Variants in SREBF2 observed in about 807,000 individuals in gnomAD.
SREBF2 encodes sterol regulatory element-binding protein 2.
Under a neutral mutation model 113.1 loss-of-function variants are expected in SREBF2, and 55 were observed. The ratio of observed to expected loss-of-function variants is 0.49; its 90% CI spans 0.39 to 0.61. The LOEUF (loss-of-function observed/expected upper bound fraction) is 0.61, where lower values mean the gene tolerates loss of function less well. SREBF2 is among the 20% of genes least tolerant of loss of function. The probability of loss-of-function intolerance (pLI) is 0.00; values close to 1 mark genes in which losing one functional copy is unlikely to be tolerated. For missense variants in SREBF2, 1,349 were observed against 1,487.4 expected (o/e 0.91, Z 1.53); for synonymous variants, 593 against 605.7 (o/e 0.98, Z 0.31).
At chr22:41,896,653 C>T (rs1157302425) in intron 13 of SREBF2, among the ~76,000 whole-genome samples, 2 of 152,218 alleles carry the variant, frequency 1.3e-5, no homozygotes, top group Non-Finnish European at 2.9e-5. Context: ...GCCACCGTGC[C>T]CGGCCCCAAA....
chr22:41,877,472 G>A (rs1302438758), intron 8 of SREBF2, 51 bp downstream of exon 8: 10 of 1,593,860 alleles, frequency 6.3e-6, no homozygotes, highest in Non-Finnish European at 7.7e-6. Context: ...CACTATGGCA[G>A]GAGAAGGACC....
chr22:41,895,072 TATTTA>T (rs2148413698), intron 13 of SREBF2, 135 bp downstream of exon 13: 1 of 720,470 alleles, frequency 1.4e-6, no homozygotes, highest in East Asian at 2.7e-5. Context: ...GGTTCCTTTG[TATTTA>T]ATTTCTCAAA....
chr22:41,901,981 C>T (rs2077469295), intron 16 of SREBF2, among the ~76,000 whole-genome samples: 1 of 152,258 alleles, frequency 6.6e-6, no homozygotes, highest in South Asian at 2.1e-4. Flanking sequence ...GCAGCATGCA[C>T]AGCTTAGAAG....
chr22:41,895,642 T>C (rs1052498049), intron 13 of SREBF2, among the ~76,000 whole-genome samples: 1 of 148,686 alleles, frequency 6.7e-6, no homozygotes, highest in African/African-American at 2.5e-5. Context: ...CACCATGTCA[T>C]TCAGGCTGGT....
intron 9 of SREBF2, among the ~76,000 whole-genome samples, chr22:41,879,760 T>C (rs2077228344): frequency 6.6e-6 from 1 of 152,192 alleles, no homozygotes; most frequent in South Asian, 2.1e-4. Flanking sequence ...CAAGACTATA[T>C]AGCCTGTCCT....
chr22:41,894,747 G>A, intron 12 of SREBF2, 73 bp from the exon 13 acceptor site: 1 of 1,326,534 alleles, frequency 7.5e-7, no homozygotes, highest in Non-Finnish European at 1.1e-6. Context: ...TGTGTTTGGA[G>A]TTTCTCTCCG....
chr22:41,864,309 G>GTATATA (rs1433001502), intron 1 of SREBF2, among the ~76,000 whole-genome samples: 3 of 53,538 alleles, frequency 5.6e-5, no homozygotes, highest in African/African-American at 3.0e-4. Context: ...ATATATATAT[G>GTATATA]TATATATATA....
In SREBF2 at chr22:41,867,096, C is replaced by T. The variant is rs2077087835; in HGVS notation, c.354C>T (p.Pro118=). The T allele has an allele frequency of 1.2e-6, 2 of 1,614,202 alleles. No individual in the cohort carries two copies. The highest frequency in any genetic ancestry group is 1.7e-6 in the Non-Finnish European group (2 of 1,180,040). ...QAPTLQVKVS[P]TSVPTTPRAT... is the part of the protein sequence containing the mutation. The stretch of plus-strand genomic sequence containing the variant: ...CAACTCTGCAAGTCAAGGTTTCTCC[C>T]ACCTCAGTTCCCACCACACCCAGGG... The change falls in exon 2 of 19, where the codon CCC becomes CCT. Residue 118 remains proline (P), a synonymous_variant. Coordinates refer to ENST00000361204, the MANE Select transcript of SREBF2 (RefSeq NM_004599.4).
intron 4 of SREBF2, 144 bp from the exon 5 acceptor site, chr22:41,873,654 T>A: frequency 1.2e-6 from 1 of 818,386 alleles, no homozygotes; most frequent in Non-Finnish European, 2.0e-6. Flanking sequence ...GGGGCCTGAT[T>A]TGATTAACCC....
At chr22:41,899,514 A>G (rs932800958) in intron 15 of SREBF2, 1 of 992,702 alleles carries the variant, frequency 1.0e-6, no homozygotes, top group Non-Finnish European at 1.2e-6. Context: ...TTTCCTATCA[A>G]GCAGACCCTT....
chr22:41,871,611 G>C (rs1448932932), intron 4 of SREBF2, among the ~76,000 whole-genome samples: 1 of 152,220 alleles, frequency 6.6e-6, no homozygotes, highest in Non-Finnish European at 1.5e-5. Context: ...CAGAACTGCT[G>C]ACAGGCACGG....
intron 15 of SREBF2, 35 bp from the exon 16 acceptor site, chr22:41,900,295 G>C: frequency 6.2e-7 from 1 of 1,605,622 alleles, no homozygotes; most frequent in African/African-American, 1.3e-5. Flanking sequence ...GTGACACATA[G>C]TGACCTGCCT....
intron 5 of SREBF2, 87 bp from the exon 6 acceptor site, chr22:41,875,250 G>A: frequency 1.8e-6 from 2 of 1,102,620 alleles, no homozygotes; most frequent in Non-Finnish European, 1.4e-6. Flanking sequence ...ACAGAGCCAT[G>A]CTGTCATCCC....
chr22:41,838,802 G>C (rs935909480), intron 1 of SREBF2, among the ~76,000 whole-genome samples: 18 of 152,132 alleles, frequency 1.2e-4, no homozygotes, highest in African/African-American at 4.3e-4. Context: ...AGGCAGGGAG[G>C]CCAATTAGGA....
intron 16 of SREBF2, chr22:41,901,090 T>C: frequency 2.4e-6 from 1 of 423,292 alleles, no homozygotes; most frequent in South Asian, 1.7e-5. Context: ...TAGAGGGCAC[T>C]GCTGCCACTG....
chr22:41,838,811 GA>G (rs1303295261), intron 1 of SREBF2, among the ~76,000 whole-genome samples: 1 of 152,128 alleles, frequency 6.6e-6, no homozygotes, highest in African/African-American at 2.4e-5. Context: ...GGCCAATTAG[GA>G]AACTGTAGCC....
chr22:41,858,995 C>T (rs181604614), intron 1 of SREBF2, among the ~76,000 whole-genome samples: 3 of 151,430 alleles, frequency 2.0e-5, no homozygotes, highest in South Asian at 2.1e-4. Context: ...TGGTGGCGGG[C>T]GCCTGTAATC....
chr22:41,902,674 C>T (rs193131795), intron 16 of SREBF2, among the ~76,000 whole-genome samples: 2 of 152,302 alleles, frequency 1.3e-5, no homozygotes, highest in Admixed American at 6.5e-5. Flanking sequence ...TTATTTCTGC[C>T]CCTGCCACCT....
chr22:41,835,309 ATTT>A (rs201960674), intron 1 of SREBF2, among the ~76,000 whole-genome samples: 2 of 109,318 alleles, frequency 1.8e-5, no homozygotes, highest in Admixed American at 9.8e-5. Context: ...AGCCACCTAA[ATTT>A]TTTTTTTTTT....
Sources: gnomAD v4.1 joint callset for allele counts (sites outside exome capture counted in the v4.1 genomes callset) on GRCh38, gnomAD v4.1.1 for gene constraint, MANE v1.5 for transcripts, NCBI Gene and HGNC (gene_info 2026-07-23, HGNC 2026-07-21) for gene names.